L3MBTL4: variants seen among roughly 807,000 people sequenced by gnomAD.
L3MBTL4 encodes lethal(3)malignant brain tumor-like protein 4.
A neutral mutation model predicts 84.5 loss-of-function variants in L3MBTL4; 70 were observed. The ratio of observed to expected loss-of-function variants is 0.83; its 90% CI spans 0.68 to 1.01. The LOEUF (loss-of-function observed/expected upper bound fraction) is 1.01. Ranked by LOEUF, L3MBTL4 falls within the 50% of genes least tolerant of loss-of-function variation. The pLI is 0.00. For missense variants in L3MBTL4, 715 were observed against 754.8 expected, an observed-to-expected ratio of 0.95 and a Z score of 0.62; for synonymous variants, 274 against 259.8, an observed-to-expected ratio of 1.05 and a Z score of -0.52.
At position 6,414,279 on chromosome 18, in the gene L3MBTL4, G is replaced by C. The variant is rs1268001106; in HGVS notation, c.-91+522C>G. The C allele has an allele frequency of 6.6e-6, 1 of 152,550 alleles. No homozygotes were observed. The highest frequency in any genetic ancestry group is 1.9e-4 in the East Asian group (1 of 5,190). 9.4% of individuals were successfully genotyped at this position (152,550 alleles called of 1,614,324 possible). A position where few individuals can be genotyped will look rare whatever the true frequency, so the allele number is the denominator to read the frequency against. On this transcript the variant is annotated intron_variant, in intron 1 of 18. Transcript: ENST00000317931. The surrounding 1 kb of genome is among the most constrained non-coding windows in gnomAD (Gnocchi z 5.4). ...GGGTGGAGGGAGGCAGCGCTCGCCC[G>C]TCCGGGCACACGACACTTGTCGGCT...
At chr18:6,342,461 G>A (rs1007209700) in intron 1 of L3MBTL4, among the ~76,000 whole-genome samples, 3 of 152,120 alleles carry the variant, frequency 2.0e-5, no homozygotes, top group Non-Finnish European at 4.4e-5. Flanking sequence ...TGAAGTAAAT[G>A]TATTGAGTTT....
At chr18:6,346,213 T>G (rs2052898861) in intron 1 of L3MBTL4, among the ~76,000 whole-genome samples, 1 of 150,880 alleles carries the variant, frequency 6.6e-6, no homozygotes, top group South Asian at 2.1e-4. Context: ...GACTTAAATA[T>G]AAGACCTGAA....
chr18:6,149,196 C>A (rs186863830), intron 13 of L3MBTL4, among the ~76,000 whole-genome samples: 1,836 of 112,608 alleles, frequency 0.016, 30 homozygotes, highest in African/African-American at 0.058. Flanking sequence ...TATCCCTCCC[C>A]CCTCCCCCCA....
chr18:6,149,695 T>C (rs775130323), intron 13 of L3MBTL4, among the ~76,000 whole-genome samples: 1 of 152,210 alleles, frequency 6.6e-6, no homozygotes, highest in Non-Finnish European at 1.5e-5. Flanking sequence ...TTTCTCCACA[T>C]CCTAAGGACT....
At position 6,048,158 on chromosome 18, in the gene L3MBTL4, T is replaced by G. The variant is rs552997781; in HGVS notation, c.1444+32723A>C. On this transcript the variant is annotated intron_variant, in intron 16 of 18. Transcript: ENST00000317931. ...TCATTTCAAATAGCTACAATAAAAATAAAATAGCTAGGAGTACCTAGGAGG... is the reference window on the plus strand; with the variant it reads ...TCATTTCAAATAGCTACAATAAAAAGAAAATAGCTAGGAGTACCTAGGAGG... Among the ~76,000 whole-genome samples, 82 of 151,976 alleles carry G rather than the reference T, an allele frequency of 5.4e-4. No individual in the cohort carries two copies. In the Middle Eastern group the frequency reaches 0.024, roughly 44 times the overall value.
intron 14 of L3MBTL4, among the ~76,000 whole-genome samples, chr18:6,131,136 CT>C (rs1451213407): frequency 6.6e-6 from 1 of 152,176 alleles, no homozygotes; most frequent in Non-Finnish European, 1.5e-5. Context: ...ATTAAGAATA[CT>C]GTTTACTTCC....
chr18:6,345,356 C>CA (rs2052840454), intron 1 of L3MBTL4, among the ~76,000 whole-genome samples: 1 of 151,654 alleles, frequency 6.6e-6, no homozygotes, highest in African/African-American at 2.4e-5. Flanking sequence ...GAGATGGTGC[C>CA]ACTGCACTCC....
chr18:6,389,420 AT>A (rs2054953764), intron 1 of L3MBTL4, among the ~76,000 whole-genome samples: 1 of 152,218 alleles, frequency 6.6e-6, no homozygotes, highest in Admixed American at 6.5e-5. Context: ...AATAATTAAC[AT>A]GATGACTGGA....
At chr18:6,031,277 G>A in intron 16 of L3MBTL4, 1 of 985,424 alleles carries the variant, frequency 1.0e-6, no homozygotes, top group Non-Finnish European at 1.2e-6. Flanking sequence ...ACAGCAGAAT[G>A]GTGAACAGTG....
rs181111494 is a variant in L3MBTL4, at chr18:6,138,709, G to A, written c.1097-413C>T. 5.5e-4 allele frequency among the ~76,000 whole-genome samples: 84 copies of A among 152,090 alleles called. 1 individual carries two copies. In the East Asian group the frequency reaches 0.012, roughly 21 times the overall value. On this transcript the variant is annotated intron_variant, in intron 13 of 18. Coordinates refer to ENST00000317931, the MANE Select transcript of L3MBTL4 (RefSeq NM_001330559.2). ...TGGAATTGCAGGCAAGCACCACCAC[G>A]CCCAGCTAATTTTTGTATTTTTAGT...
chr18:6,071,887 A>G (rs1021937203), intron 16 of L3MBTL4, among the ~76,000 whole-genome samples: 5 of 151,994 alleles, frequency 3.3e-5, no homozygotes, highest in Admixed American at 1.3e-4. Context: ...AGGAAGGAAG[A>G]AAGATTGTTA....
chr18:6,098,916 G>A (rs2143800986), intron 14 of L3MBTL4, among the ~76,000 whole-genome samples: 1 of 152,230 alleles, frequency 6.6e-6, no homozygotes, highest in South Asian at 2.1e-4. Context: ...AGGCCTCCCA[G>A]AACCAAAGGA....
intron 1 of L3MBTL4, among the ~76,000 whole-genome samples, chr18:6,342,247 T>A (rs866780439): frequency 3.9e-5 from 6 of 152,160 alleles, no homozygotes; most frequent in Non-Finnish European, 8.8e-5. Flanking sequence ...TTTAATACTA[T>A]AATGAAGGTG....
intron 16 of L3MBTL4, among the ~76,000 whole-genome samples, chr18:6,071,790 A>T (rs1428714043): frequency 2.1e-5 from 3 of 142,122 alleles, no homozygotes; most frequent in African/African-American, 8.4e-5. Context: ...AGAAAGAAAG[A>T]AAGAAAGAAA....
At chr18:6,117,357 G>A (rs751549677) in intron 14 of L3MBTL4, among the ~76,000 whole-genome samples, 1 of 152,172 alleles carries the variant, frequency 6.6e-6, no homozygotes, top group African/African-American at 2.4e-5. Context: ...AAGTGGGAAA[G>A]GGAAATAACC....
intron 10 of L3MBTL4, among the ~76,000 whole-genome samples, chr18:6,232,838 T>C (rs994190521): frequency 1.3e-5 from 2 of 152,186 alleles, no homozygotes; most frequent in Admixed American, 6.5e-5. Flanking sequence ...CTAGTAATTC[T>C]ACTTACAACA....
chr18:6,256,607 G>A (rs895052610), intron 5 of L3MBTL4: 2 of 151,736 alleles, frequency 1.3e-5, no homozygotes, highest in Admixed American at 6.6e-5. Flanking sequence ...AAAGTGGGGG[G>A]AGGTGGGAAC....
At chr18:6,203,955 C>A (rs2045759687) in intron 12 of L3MBTL4, among the ~76,000 whole-genome samples, 2 of 152,194 alleles carry the variant, frequency 1.3e-5, no homozygotes, top group Admixed American at 6.5e-5. Flanking sequence ...ATGAAATCTG[C>A]CTGAACACCT....
intron 10 of L3MBTL4, among the ~76,000 whole-genome samples, chr18:6,227,881 G>A (rs1204049231): frequency 6.6e-6 from 1 of 151,970 alleles, no homozygotes; most frequent in Non-Finnish European, 1.5e-5. Flanking sequence ...TGCCCAGTCT[G>A]GTCTTAAACT....
Sources: allele counts gnomAD v4.1 joint callset (sites outside exome capture counted in the v4.1 genomes callset), GRCh38; gene constraint gnomAD v4.1.1; non-coding constraint Gnocchi (gnomAD v3.1); transcripts MANE v1.5; gene names NCBI Gene and HGNC (gene_info 2026-07-23, HGNC 2026-07-21).